Variants in ANKS1B observed in about 807,000 individuals in gnomAD.
The protein encoded by ANKS1B is ankyrin repeat and sterile alpha motif domain containing 1B, also known as ankyrin repeat and sterile alpha motif domain-containing protein 1B.
ANKS1B carries 36 observed loss-of-function variants against 148.3 expected under a neutral mutation model. The observed-to-expected ratio is 0.24, with a 90% CI of 0.19 to 0.32. ANKS1B has a LOEUF of 0.32. ANKS1B is among the 10% of genes least tolerant of loss of function. The pLI, the probability that ANKS1B is intolerant of heterozygous loss-of-function variation, is 1.00. For missense variants in ANKS1B, 1,157 were observed against 1,542.6 expected, an observed-to-expected ratio of 0.75 and a Z score of 4.19; for synonymous variants, 542 against 560.8, an observed-to-expected ratio of 0.97 and a Z score of 0.47.
intron 8 of ANKS1B, among the ~76,000 whole-genome samples, chr12:99,727,061 T>A (rs541455051): frequency 6.6e-6 from 1 of 152,228 alleles, no homozygotes; most frequent in South Asian, 2.1e-4. Flanking sequence ...CTGGAAGCAT[T>A]CCCTTTGAAA....
At chr12:99,799,126 G>A (rs556719428) in intron 4 of ANKS1B, among the ~76,000 whole-genome samples, 1 of 152,112 alleles carries the variant, frequency 6.6e-6, no homozygotes, top group East Asian at 1.9e-4. Context: ...TTTTGTTACT[G>A]CTATATCCTC....
At chr12:98,930,832 CTG>C (rs2152959873) in intron 17 of ANKS1B, among the ~76,000 whole-genome samples, 1 of 152,202 alleles carries the variant, frequency 6.6e-6, no homozygotes, top group East Asian at 1.9e-4. Flanking sequence ...TCACACAACT[CTG>C]TGAGTACACG....
At chr12:99,902,628 T>G (rs2093637426) in intron 1 of ANKS1B, among the ~76,000 whole-genome samples, 1 of 152,152 alleles carries the variant, frequency 6.6e-6, no homozygotes, top group Admixed American at 6.6e-5. Flanking sequence ...TCTAGGTTAC[T>G]TGGGTTGAGC....
intron 16 of ANKS1B, among the ~76,000 whole-genome samples, chr12:99,064,577 C>T (rs1009489367): frequency 2.6e-5 from 4 of 152,180 alleles, no homozygotes; most frequent in Admixed American, 6.5e-5. Flanking sequence ...AAAGGTCAAC[C>T]GCTACAGCAA....
At chr12:98,804,643 C>T (rs1307462343) in intron 20 of ANKS1B, among the ~76,000 whole-genome samples, 1 of 152,084 alleles carries the variant, frequency 6.6e-6, no homozygotes, top group East Asian at 1.9e-4. Context: ...AACAAGGGTG[C>T]CTTAGGTCTC....
At chr12:99,762,956 CT>C (rs1190765693) in intron 8 of ANKS1B, among the ~76,000 whole-genome samples, 2 of 152,044 alleles carry the variant, frequency 1.3e-5, no homozygotes, top group Non-Finnish European at 2.9e-5. Context: ...AATCTCACAC[CT>C]GTCACAATGA....
chr12:98,754,897 C>T (rs1175532557), intron 25 of ANKS1B, among the ~76,000 whole-genome samples: 2 of 152,164 alleles, frequency 1.3e-5, no homozygotes, highest in East Asian at 1.9e-4. Flanking sequence ...CTTCTGGTTC[C>T]GCTTACATTT....
chr12:99,560,346 C>T (rs1385309321), intron 9 of ANKS1B, among the ~76,000 whole-genome samples: 1 of 151,458 alleles, frequency 6.6e-6, no homozygotes, highest in African/African-American at 2.4e-5. Context: ...TCACATAGCC[C>T]AACACATTTT....
At chr12:99,927,148 G>A (rs2094495889) in intron 1 of ANKS1B, among the ~76,000 whole-genome samples, 1 of 150,442 alleles carries the variant, frequency 6.6e-6, no homozygotes. Context: ...TGAAACAGAG[G>A]TAAAAGCTGA....
intron 10 of ANKS1B, among the ~76,000 whole-genome samples, chr12:99,482,339 T>C (rs12581212): frequency 0.032 from 4,816 of 151,778 alleles, 111 homozygotes; most frequent in South Asian, 0.084. Flanking sequence ...CTTGGCTGTA[T>C]GTATTTGGCT....
chr12:99,429,416 A>T (rs1465209025), intron 11 of ANKS1B, among the ~76,000 whole-genome samples: 12 of 152,236 alleles, frequency 7.9e-5, no homozygotes, highest in African/African-American at 2.9e-4. Context: ...CTGACCTGTT[A>T]TATTCAAATT....
intron 15 of ANKS1B, among the ~76,000 whole-genome samples, chr12:99,091,401 A>G (rs2053942631): frequency 6.6e-6 from 1 of 152,198 alleles, no homozygotes; most frequent in Non-Finnish European, 1.5e-5. Context: ...ATCATAAATT[A>G]TAAATGTAAT....
intron 9 of ANKS1B, among the ~76,000 whole-genome samples, chr12:99,558,126 C>T (rs1313647768): frequency 6.6e-6 from 1 of 152,152 alleles, no homozygotes; most frequent in African/African-American, 2.4e-5. Flanking sequence ...GAGATCTGTG[C>T]TCACTCATTC....
chr12:99,909,698 A>G (rs1603450711), intron 1 of ANKS1B, among the ~76,000 whole-genome samples: 1 of 152,256 alleles, frequency 6.6e-6, no homozygotes, highest in East Asian at 1.9e-4. Context: ...TTCTTTCTCA[A>G]GATTGCTTTG....
intron 12 of ANKS1B, among the ~76,000 whole-genome samples, chr12:99,334,129 AATAGATAG>A (rs777484418): frequency 1.3e-5 from 2 of 150,744 alleles, no homozygotes; most frequent in African/African-American, 4.9e-5. Flanking sequence ...TGCTCCTCTA[AATAGATAG>A]ATAGATAGAT....
chr12:98,959,348 AC>A, intron 17 of ANKS1B, among the ~76,000 whole-genome samples: 1 of 152,130 alleles, frequency 6.6e-6, no homozygotes, highest in Non-Finnish European at 1.5e-5. Context: ...TGCCTCAGAT[AC>A]ATGACAAGCC....
rs757560682 is a variant in ANKS1B at position 99,246,421 on chromosome 12, T to G, written c.2200A>C (p.Ser734Arg). 1 of 1,613,952 alleles carries G rather than the reference T, an allele frequency of 6.2e-7. No homozygotes were observed. Among genetic ancestry groups the G allele is most frequent in the Non-Finnish European group, 8.5e-7 (1 of 1,179,872 alleles). Residue 734 changes from serine (S) to arginine (R), a missense_variant, in exon 13 of 27, where the codon AGT becomes CGT. Physicochemically the swap from Ser to Arg is moderately radical, Grantham distance 110. Around this residue, in one of 6 missense-constraint regions of ANKS1B, gnomAD observed 661 missense variants for 642.1 expected, o/e 1.03. Coordinates refer to ENST00000683438, the MANE Select transcript of ANKS1B (RefSeq NM_001352186.2). ...AGATCAGAATCAGATTTAGAGACAC[T>G]TTTTGACAAATGCATGTCGATCAAG... is the stretch of plus-strand genomic sequence containing the variant. Reference protein sequence around the residue: ...KALIDMHLSKSVSKSDSDLIA... With the variant: ...KALIDMHLSKRVSKSDSDLIA...
At chr12:99,876,533 G>GC (rs748707902) in intron 1 of ANKS1B, among the ~76,000 whole-genome samples, 3 of 152,000 alleles carry the variant, frequency 2.0e-5, no homozygotes, top group Non-Finnish European at 2.9e-5. Context: ...AACCAGCCTG[G>GC]CCAATATGGT....
chr12:99,932,870 A>G (rs1185081799), intron 1 of ANKS1B, among the ~76,000 whole-genome samples: 1 of 152,126 alleles, frequency 6.6e-6, no homozygotes, highest in Non-Finnish European at 1.5e-5. Context: ...AGTTTCTACA[A>G]AATTTTCTTG....
Sources: gnomAD v4.1 joint callset for allele counts (sites outside exome capture counted in the v4.1 genomes callset) on GRCh38, gnomAD v4.1.1 for gene constraint, gnomAD v4.1.1 regional missense constraint, MANE v1.5 for transcripts, NCBI Gene and HGNC (gene_info 2026-07-23, HGNC 2026-07-21) for gene names.